Variants in MAP3K7 observed in about 807,000 individuals in gnomAD.
MAP3K7 encodes the protein TGF-beta activated kinase 1.
A neutral mutation model predicts 84.8 loss-of-function variants in MAP3K7; 21 were observed. The ratio of observed to expected loss-of-function variants is 0.25; its 90% confidence interval spans 0.18 to 0.36. The LOEUF (loss-of-function observed/expected upper bound fraction) is 0.36, where lower values mean the gene tolerates loss of function less well. Ranked by LOEUF, MAP3K7 falls within the 10% of genes least tolerant of loss-of-function variation. MAP3K7 has a pLI of 1.00. For synonymous variants in MAP3K7, 241 were observed against 247.7 expected (o/e 0.97, Z 0.25); for missense variants, 503 against 747.7 (o/e 0.67, Z 3.82).
intron 6 of MAP3K7, among the ~76,000 whole-genome samples, chr6:90,554,402 G>A (rs186555631): frequency 1.3e-5 from 2 of 152,230 alleles, no homozygotes; most frequent in African/African-American, 2.4e-5. Flanking sequence ...GAGTTACACA[G>A]CAAAATTTAC....
intron 1 of MAP3K7, among the ~76,000 whole-genome samples, chr6:90,572,697 A>G (rs1191261980): frequency 6.6e-6 from 1 of 152,068 alleles, no homozygotes; most frequent in Admixed American, 6.5e-5. Context: ...CATTACAGTT[A>G]TTTTTCAAAA....
chr6:90,524,652 A>C (rs1473059083), intron 13 of MAP3K7, among the ~76,000 whole-genome samples: 1 of 152,212 alleles, frequency 6.6e-6, no homozygotes, highest in Non-Finnish European at 1.5e-5. Context: ...AAGTTTTTCA[A>C]GCATGTATTT....
At chr6:90,558,648 G>A (rs937506677) in intron 5 of MAP3K7, among the ~76,000 whole-genome samples, 1 of 152,158 alleles carries the variant, frequency 6.6e-6, no homozygotes, top group African/African-American at 2.4e-5. Flanking sequence ...GGTCTAACTA[G>A]GTTGATTAAA....
intron 1 of MAP3K7, among the ~76,000 whole-genome samples, chr6:90,583,810 C>T (rs1777357018): frequency 6.6e-6 from 1 of 152,176 alleles, no homozygotes; most frequent in African/African-American, 2.4e-5. Flanking sequence ...AACCCATCCC[C>T]TCTTTTATTC....
intron 1 of MAP3K7, among the ~76,000 whole-genome samples, chr6:90,578,333 C>T (rs1449022094): frequency 6.6e-6 from 1 of 152,094 alleles, no homozygotes; most frequent in East Asian, 1.9e-4. Context: ...AGTGCAGTGG[C>T]GCGATCTCAG....
intron 13 of MAP3K7, among the ~76,000 whole-genome samples, chr6:90,531,903 C>T (rs563014743): frequency 2.7e-5 from 4 of 147,860 alleles, no homozygotes; most frequent in Admixed American, 6.9e-5. Context: ...TTGCAATGAG[C>T]GGAGATCACA....
rs11468988 is a variant in MAP3K7, at chr6:90,576,419, TCACACACACACACA to T, written c.121-4626_121-4613del. Among the ~76,000 whole-genome samples the T allele has an allele frequency of 1.7e-3, 232 of 136,954 alleles. 2 individuals are homozygous for T. Among genetic ancestry groups the T allele is most frequent in the South Asian group, 3.7e-3 (15 of 4,036 alleles). 89.8% of individuals were successfully genotyped at this position (136,954 alleles called of 152,430 possible). A position where few individuals can be genotyped will look rare whatever the true frequency, so the allele number is the denominator to read the frequency against. ...GCCTGGGCAACAGAGCTAGACTCTG[TCACACACACACACA>T]CACACACACACACACACACACACAC... On this transcript the variant is annotated intron_variant, in intron 1 of 16. Coordinates refer to ENST00000369329, the MANE Select transcript of MAP3K7 (RefSeq NM_145331.3).
intron 14 of MAP3K7, among the ~76,000 whole-genome samples, chr6:90,522,774 T>C (rs1562077747): frequency 6.6e-6 from 1 of 152,170 alleles, no homozygotes; most frequent in Admixed American, 6.5e-5. Context: ...ATCAGATAAC[T>C]ATAAATACTT....
At chr6:90,534,560 T>C (rs1329060408) in intron 13 of MAP3K7, among the ~76,000 whole-genome samples, 1 of 152,166 alleles carries the variant, frequency 6.6e-6, no homozygotes, top group Non-Finnish European at 1.5e-5. Flanking sequence ...ATTCCACAAA[T>C]GACTGTCCCA....
chr6:90,529,639 T>C (rs1201543806), intron 13 of MAP3K7, among the ~76,000 whole-genome samples: 1 of 152,172 alleles, frequency 6.6e-6, no homozygotes, highest in Non-Finnish European at 1.5e-5. Context: ...TATCTATCTA[T>C]AAGGTTATAA....
Position 90,513,713 on chromosome 6 carries a change from A to C in MAP3K7, c.*2788T>G, listed in dbSNP as rs1265533284. 1 of 152,146 alleles carries C rather than the reference A, an allele frequency of 6.6e-6. No homozygotes were observed. The highest frequency in any genetic ancestry group is 1.5e-5 in the Non-Finnish European group (1 of 68,014). The allele number at this position is 152,146 out of a possible 1,614,324, so 9.4% of individuals were successfully genotyped here. A position where few individuals can be genotyped will look rare whatever the true frequency, so the allele number is the denominator to read the frequency against. On this transcript the variant is annotated 3_prime_UTR_variant, in exon 17 of 17. Transcript: ENST00000369329. Reference sequence around the variant, plus strand: ...TTCTGAATGACAGAAGTAGAAGTAGAACTTACTACCATTTGAAGACAGGAG... The same window carrying C: ...TTCTGAATGACAGAAGTAGAAGTAGCACTTACTACCATTTGAAGACAGGAG...
chr6:90,560,067 A>G lies in MAP3K7; in HGVS notation c.482+9T>C. 1.2e-6 allele frequency: 2 copies of G among 1,614,148 alleles called. No homozygotes were observed. The highest frequency in any genetic ancestry group is 1.7e-6 in the Non-Finnish European group (2 of 1,180,026). On this transcript the variant is annotated intron_variant, in intron 5 of 16. Coordinates refer to ENST00000369329, the MANE Select transcript of MAP3K7 (RefSeq NM_145331.3). The stretch of plus-strand genomic sequence containing the variant: ...AGAGGCTGAGGGGTGTCACATTATT[A>G]TAACTTACTTTGGTGGTTTCAGGTC...
chr6:90,536,765 C>T (rs1436274057), intron 12 of MAP3K7: 1 of 183,090 alleles, frequency 5.5e-6, no homozygotes, highest in East Asian at 1.4e-4. Context: ...ATTTCAAGGG[C>T]CTTACGTTAC....
chr6:90,538,292 T>C (rs1775742612), intron 12 of MAP3K7, among the ~76,000 whole-genome samples: 1 of 151,986 alleles, frequency 6.6e-6, no homozygotes, highest in Non-Finnish European at 1.5e-5. Context: ...CAACCTCCTA[T>C]TACTTCAAAT....
chr6:90,541,218 G>A (rs1268355972), intron 12 of MAP3K7, among the ~76,000 whole-genome samples: 6 of 151,862 alleles, frequency 4.0e-5, no homozygotes, highest in Non-Finnish European at 8.8e-5. Context: ...GAAAGGATAT[G>A]GTTTTTAAAA....
chr6:90,571,627 T>C (rs1776904440), intron 2 of MAP3K7, 70 bp downstream of exon 2: 1 of 893,064 alleles, frequency 1.1e-6, no homozygotes, highest in Admixed American at 3.1e-5. Flanking sequence ...AACCAATCTT[T>C]TTCATAATAT....
intron 13 of MAP3K7, among the ~76,000 whole-genome samples, chr6:90,531,956 G>GA (rs796192167): frequency 0.035 from 4,168 of 118,354 alleles, 68 homozygotes; most frequent in South Asian, 0.049. Context: ...CTGTGTCTCG[G>GA]AAAAAAAAAA....
In MAP3K7 at chr6:90,514,121, A is replaced by G. The variant is rs144562017; in HGVS notation, c.*2380T>C. On this transcript the variant is annotated 3_prime_UTR_variant, in exon 17 of 17. Transcript: ENST00000369329. ...GTTTTTGAATTTCTTAGACTGGGGC[A>G]TTCCAGCCACTTGCTTGGCTGTTTG... 6.6e-6 allele frequency: 1 copy of G among 152,184 alleles called. No homozygotes were observed. Among genetic ancestry groups the G allele is most frequent in the East Asian group, 1.9e-4 (1 of 5,184 alleles). 9.4% of individuals were successfully genotyped at this position (152,184 alleles called of 1,614,324 possible).
In MAP3K7 at chr6:90,553,671, G is replaced by C. The variant is rs1346213677; in HGVS notation, c.608-85C>G. The C allele has an allele frequency of 4.3e-6, 5 of 1,151,698 alleles. No homozygotes were observed. The African/African-American group carries it at 7.8e-5, about 18-fold the overall frequency. 71.3% of individuals were successfully genotyped at this position (1,151,698 alleles called of 1,614,324 possible). On this transcript the variant is annotated intron_variant, in intron 6 of 16. Coordinates refer to ENST00000369329, the MANE Select transcript of MAP3K7 (RefSeq NM_145331.3). The stretch of plus-strand genomic sequence containing the variant: ...ACAATGGCTTAAATTTTGAGAATGG[G>C]TATCAGGGATAAAAATGAGGCTGTC...
Sources: gnomAD v4.1 joint callset for allele counts (sites outside exome capture counted in the v4.1 genomes callset) on GRCh38, gnomAD v4.1.1 for gene constraint, MANE v1.5 for transcripts, NCBI Gene and HGNC (gene_info 2026-07-23, HGNC 2026-07-21) for gene names.